The following GRIP1 variants were observed in gnomAD, a reference collection of about 807,000 sequenced individuals.
The protein encoded by GRIP1 is glutamate receptor-interacting protein 1.
In GRIP1, 45 loss-of-function variants were observed where a neutral mutation model predicts 129.9. The ratio of observed to expected loss-of-function variants is 0.35; its 90% CI spans 0.27 to 0.44. The LOEUF (loss-of-function observed/expected upper bound fraction) is 0.44, where lower values mean the gene tolerates loss of function less well. Ranked by LOEUF, GRIP1 falls within the 20% of genes least tolerant of loss-of-function variation. The pLI is 1.00. For missense variants in GRIP1, 1,196 were observed against 1,396.8 expected (o/e 0.86, Z 2.29); for synonymous variants, 530 against 520.8 (o/e 1.02, Z -0.24).
rs369299885 is a variant in GRIP1 at position 66,746,858 on chromosome 12, T to C, written c.-420+57195A>G. 2.0e-5 allele frequency among the ~76,000 whole-genome samples: 3 copies of C among 152,340 alleles called. No homozygotes were observed. The South Asian group carries it at 6.2e-4, about 32-fold the overall frequency. ...ATTGACAGTTTACAGGAAAGAGTTATTTTTCAGCTGGGAAGGCTTCCAGGT... is the reference window on the plus strand; with the variant it reads ...ATTGACAGTTTACAGGAAAGAGTTACTTTTCAGCTGGGAAGGCTTCCAGGT... On this transcript the variant is annotated intron_variant, in intron 1 of 4. Transcript: ENST00000538373.
Position 66,774,106 on chromosome 12 carries a change from T to TA in GRIP1, c.-420+29946_-420+29947insT, listed in dbSNP as rs551198343. Among the ~76,000 whole-genome samples the TA allele has an allele frequency of 4.1e-3, 623 of 152,278 alleles. 2 individuals are homozygous for TA. The highest frequency in any genetic ancestry group is 0.014 in the African/African-American group (600 of 41,562). ...CAATGAATTCAATGAGATATTGACC[T>TA]GTAGTAGTAAAAGGACAAAACCAAA... is the stretch of plus-strand genomic sequence containing the variant. On this transcript the variant is annotated intron_variant, in intron 1 of 4. Coordinates refer to the GRIP1 transcript ENST00000538373.
At chr12:66,827,684 G>C (rs1453729705) in intron 1 of GRIP1, among the ~76,000 whole-genome samples, 3 of 152,010 alleles carry the variant, frequency 2.0e-5, no homozygotes, top group Non-Finnish European at 4.4e-5. Context: ...TTCAACTTTA[G>C]TGCAAGAATG....
chr12:66,420,619 A>C, intron 15 of GRIP1, 101 bp downstream of exon 15: 1 of 760,994 alleles, frequency 1.3e-6, no homozygotes, highest in South Asian at 1.4e-5. Flanking sequence ...TTTTGAAAAT[A>C]CAGTGACCCA....
In GRIP1 at chr12:66,520,807, C is replaced by T. The variant is rs562923103; in HGVS notation, c.503-2831G>A. The stretch of plus-strand genomic sequence containing the variant: ...TTTGATTCGCTATTGACTAACCATA[C>T]AGTCACTATCAATGAATATCTGCAA... On this transcript the variant is annotated intron_variant, in intron 5 of 24. Coordinates refer to ENST00000359742, the MANE Select transcript of GRIP1 (RefSeq NM_001366722.1). Among the ~76,000 whole-genome samples the T allele has an allele frequency of 4.6e-5, 7 of 152,334 alleles. No individual in the cohort carries two copies. In the East Asian group the frequency reaches 1.3e-3, roughly 29 times the overall value.
chr12:66,504,269 G>C (rs1207562566), intron 7 of GRIP1, among the ~76,000 whole-genome samples: 1 of 152,170 alleles, frequency 6.6e-6, no homozygotes, highest in Non-Finnish European at 1.5e-5. Context: ...CATTGTGAAG[G>C]CTGAAAAATA....
rs2042019814 is a variant in GRIP1 at position 66,967,920 on chromosome 12, G to A, written c.58+101130C>T. Among the ~76,000 whole-genome samples, 3 of 152,106 alleles carry A rather than the reference G, an allele frequency of 2.0e-5. No individual in the cohort carries two copies. In the South Asian group the frequency reaches 6.2e-4, roughly 32 times the overall value. ...GAAAATGTGGATTCTGCTATTGTTGGATGGAGTGTTTTATACATGTCAATT... is the reference window on the plus strand; with the variant it reads ...GAAAATGTGGATTCTGCTATTGTTGAATGGAGTGTTTTATACATGTCAATT... On this transcript the variant is annotated intron_variant, in intron 1 of 1. Coordinates refer to the GRIP1 transcript ENST00000643019.
chr12:66,376,794 C>T lies in GRIP1; in HGVS notation c.2778+223G>A, dbSNP rs1202465897. Among the ~76,000 whole-genome samples, 5 of 152,214 alleles carry T rather than the reference C, an allele frequency of 3.3e-5. No individual in the cohort carries two copies. In the East Asian group the frequency reaches 7.7e-4, roughly 23 times the overall value. ...AAAGCAACTAAGAGAATGGGATGCG[C>T]CGCTGCTGGGAGACTTAGCTCGCTT... On this transcript the variant is annotated intron_variant, in intron 22 of 24. Coordinates refer to ENST00000359742, the MANE Select transcript of GRIP1 (RefSeq NM_001366722.1).
At chr12:66,765,716 T>C (rs571750658) in intron 1 of GRIP1, among the ~76,000 whole-genome samples, 13 of 152,290 alleles carry the variant, frequency 8.5e-5, no homozygotes, top group East Asian at 5.8e-4. Context: ...ATTTGTAGAA[T>C]TGATGTTGAG....
intron 1 of GRIP1, among the ~76,000 whole-genome samples, chr12:66,856,659 A>C (rs2040010464): frequency 6.6e-6 from 1 of 151,798 alleles, no homozygotes; most frequent in African/African-American, 2.4e-5. Flanking sequence ...AATGCAAATC[A>C]AAACCACAAT....
At chr12:67,023,578 G>A (rs1330668522) in intron 1 of GRIP1, among the ~76,000 whole-genome samples, 1 of 150,284 alleles carries the variant, frequency 6.7e-6, no homozygotes, top group Non-Finnish European at 1.5e-5. Flanking sequence ...TTTTTTTTCA[G>A]TTGTTTTTGC....
At chr12:66,499,573 G>A (rs1011422651) in intron 7 of GRIP1, among the ~76,000 whole-genome samples, 62 of 152,276 alleles carry the variant, frequency 4.1e-4, no homozygotes, top group Middle Eastern at 3.4e-3. Context: ...CTTAGGAGGA[G>A]AGACAGTCAC....
chr12:66,541,718 T>C, intron 3 of GRIP1, 97 bp downstream of exon 3: 2 of 1,255,264 alleles, frequency 1.6e-6, no homozygotes, highest in Non-Finnish European at 1.2e-6. Context: ...ATGGCAGCTG[T>C]CATTTATTTA....
chr12:66,988,209 A>G (rs1592433878), intron 1 of GRIP1, among the ~76,000 whole-genome samples: 1 of 152,188 alleles, frequency 6.6e-6, no homozygotes, highest in Non-Finnish European at 1.5e-5. Context: ...CTTTTAATCT[A>G]ATAGTGCCAC....
chr12:66,997,200 T>C (rs2042480521), intron 1 of GRIP1, among the ~76,000 whole-genome samples: 1 of 151,998 alleles, frequency 6.6e-6, no homozygotes, highest in Admixed American at 6.6e-5. Context: ...TCCTCTTGAG[T>C]ATTTTTACAA....
At chr12:66,595,884 T>A (rs1026762174) in intron 2 of GRIP1, among the ~76,000 whole-genome samples, 2 of 152,184 alleles carry the variant, frequency 1.3e-5, no homozygotes, top group Non-Finnish European at 2.9e-5. Flanking sequence ...AGAGAGTTAC[T>A]CACAAATGGG....
intron 1 of GRIP1, among the ~76,000 whole-genome samples, chr12:66,974,769 G>C (rs1156776812): frequency 6.6e-6 from 1 of 152,158 alleles, no homozygotes; most frequent in Non-Finnish European, 1.5e-5. Context: ...CCAGGTCATA[G>C]ACAGAGGCAC....
At chr12:66,915,395 C>T (rs915264732) in intron 1 of GRIP1, among the ~76,000 whole-genome samples, 1 of 152,168 alleles carries the variant, frequency 6.6e-6, no homozygotes, top group Non-Finnish European at 1.5e-5. Context: ...GCTTCCCAGA[C>T]AAAGCCATCT....
At chr12:66,906,361 G>A (rs1415544455) in intron 1 of GRIP1, among the ~76,000 whole-genome samples, 1 of 152,122 alleles carries the variant, frequency 6.6e-6, no homozygotes, top group Non-Finnish European at 1.5e-5. Context: ...CTGAGCCCAG[G>A]AAGTCGAAGC....
intron 1 of GRIP1, among the ~76,000 whole-genome samples, chr12:66,990,085 A>G (rs949602491): frequency 6.6e-6 from 1 of 152,230 alleles, no homozygotes; most frequent in African/African-American, 2.4e-5. Flanking sequence ...AAGGGATGGT[A>G]CATAAGAAGG....
Sources: allele counts gnomAD v4.1 joint callset (sites outside exome capture counted in the v4.1 genomes callset), GRCh38; gene constraint gnomAD v4.1.1; transcripts MANE v1.5; gene names NCBI Gene and HGNC (gene_info 2026-07-23, HGNC 2026-07-21).